The following EPHA6 variants were observed in gnomAD, a reference collection of about 807,000 sequenced individuals.
EPHA6 encodes EPH receptor A6, also known as ephrin type-A receptor 6.
In EPHA6, 50 loss-of-function variants were observed where a neutral mutation model predicts 112.0. The observed-to-expected ratio is 0.45, with a 90% confidence interval of 0.36 to 0.56. The LOEUF is 0.56. Ranked by LOEUF, EPHA6 falls within the 20% of genes least tolerant of loss-of-function variation. The pLI, the probability that EPHA6 is intolerant of heterozygous loss-of-function variation, is 0.00. For synonymous variants in EPHA6, 529 were observed against 490.7 expected (o/e 1.08, Z -1.03); for missense variants, 1,280 against 1,417.4 (o/e 0.90, Z 1.56).
intron 2 of EPHA6, among the ~76,000 whole-genome samples, chr3:96,882,995 A>G (rs1255723460): frequency 6.6e-6 from 1 of 152,140 alleles, no homozygotes; most frequent in Non-Finnish European, 1.5e-5. Context: ...TTCTTAAAGA[A>G]TCTCCACACT....
intron 11 of EPHA6, among the ~76,000 whole-genome samples, chr3:97,555,887 C>G (rs1374891101): frequency 6.6e-6 from 1 of 152,066 alleles, no homozygotes; most frequent in East Asian, 1.9e-4. Flanking sequence ...TGCCTGTTCA[C>G]TCTGATGGTA....
chr3:97,567,145 G>C (rs1321438849), intron 11 of EPHA6, among the ~76,000 whole-genome samples: 1 of 152,162 alleles, frequency 6.6e-6, no homozygotes, highest in African/African-American at 2.4e-5. Flanking sequence ...AGTGTAGAAA[G>C]AGCATTGGGA....
chr3:97,327,182 A>C (rs376259249), intron 5 of EPHA6, among the ~76,000 whole-genome samples: 2 of 152,108 alleles, frequency 1.3e-5, no homozygotes, highest in Non-Finnish European at 2.9e-5. Context: ...TACATTATGA[A>C]ATATAAAAGT....
At chr3:97,257,805 T>C (rs944470619) in intron 5 of EPHA6, among the ~76,000 whole-genome samples, 3 of 152,014 alleles carry the variant, frequency 2.0e-5, no homozygotes, top group Non-Finnish European at 2.9e-5. Flanking sequence ...ACTATGTCTG[T>C]GAAATGGAAT....
rs560118700 is a variant in EPHA6 at position 97,056,673 on chromosome 3, C to T, written c.1114+68680C>T. Among the ~76,000 whole-genome samples the T allele has an allele frequency of 2.6e-5, 4 of 152,250 alleles. No individual in the cohort carries two copies. In the South Asian group the frequency reaches 8.3e-4, roughly 32 times the overall value. On this transcript the variant is annotated intron_variant, in intron 3 of 17. Transcript: ENST00000389672. ...TTCACAGAGCCCCTTATCAGTAGTG[C>T]ATATGAATATAAAATAGTAGAAGTG...
At position 97,020,293 on chromosome 3, in the gene EPHA6, A is replaced by G. The variant is rs80095485; in HGVS notation, c.1114+32300A>G. ...AGAATAAATGATAGAGATGAAAAAT[A>G]TAGATATATGCGGATTCACTGACAA... On this transcript the variant is annotated intron_variant, in intron 3 of 17. Transcript: ENST00000389672. Among the ~76,000 whole-genome samples the G allele has an allele frequency of 3.5e-3, 531 of 152,340 alleles. 3 individuals are homozygous for G. Among genetic ancestry groups the G allele is most frequent in the African/African-American group, 0.012 (510 of 41,564 alleles).
chr3:96,824,259 T>G (rs867871949), intron 1 of EPHA6, among the ~76,000 whole-genome samples: 1 of 151,886 alleles, frequency 6.6e-6, no homozygotes, highest in Middle Eastern at 3.4e-3. Context: ...ATCTAAAGTT[T>G]TAATAGGTTT....
At chr3:97,176,334 T>C (rs2108440115) in intron 3 of EPHA6, among the ~76,000 whole-genome samples, 1 of 152,098 alleles carries the variant, frequency 6.6e-6, no homozygotes, top group South Asian at 2.1e-4. Flanking sequence ...TCAATATTTG[T>C]CAGAGATATT....
At chr3:97,106,809 G>T (rs1269932407) in intron 3 of EPHA6, among the ~76,000 whole-genome samples, 1 of 152,076 alleles carries the variant, frequency 6.6e-6, no homozygotes, top group Non-Finnish European at 1.5e-5. Context: ...GCTCCCTAGG[G>T]GTTTTGAGCA....
At chr3:97,199,395 T>G (rs2077521699) in intron 3 of EPHA6, among the ~76,000 whole-genome samples, 1 of 152,130 alleles carries the variant, frequency 6.6e-6, no homozygotes, top group Non-Finnish European at 1.5e-5. Context: ...TTAAAATAAC[T>G]TGGGGAGCAC....
At chr3:97,170,388 G>T (rs934467811) in intron 3 of EPHA6, among the ~76,000 whole-genome samples, 1 of 152,114 alleles carries the variant, frequency 6.6e-6, no homozygotes, top group African/African-American at 2.4e-5. Flanking sequence ...GAGCCATGAT[G>T]AATGTGAAAG....
intron 14 of EPHA6, among the ~76,000 whole-genome samples, chr3:97,674,637 C>T (rs1290553333): frequency 6.6e-6 from 1 of 152,148 alleles, no homozygotes; most frequent in Non-Finnish European, 1.5e-5. Flanking sequence ...AAGTACAGTA[C>T]AGTGGCTTCT....
chr3:97,338,463 C>T (rs1477875179), intron 5 of EPHA6, among the ~76,000 whole-genome samples: 1 of 152,006 alleles, frequency 6.6e-6, no homozygotes, highest in African/African-American at 2.4e-5. Context: ...ATTGTCTACC[C>T]CTAGAGCTCT....
intron 14 of EPHA6, among the ~76,000 whole-genome samples, chr3:97,658,805 A>G (rs368747116): frequency 6.6e-6 from 1 of 151,924 alleles, no homozygotes; most frequent in African/African-American, 2.4e-5. Context: ...TGATAAAACA[A>G]CACCTTTGTA....
chr3:96,961,118 G>A (rs1247020544), intron 2 of EPHA6, among the ~76,000 whole-genome samples: 1 of 152,242 alleles, frequency 6.6e-6, no homozygotes, highest in Admixed American at 6.5e-5. Context: ...AGCTTGAAGA[G>A]GGCAGGTTTC....
intron 5 of EPHA6, among the ~76,000 whole-genome samples, chr3:97,332,854 G>T (rs1005813007): frequency 1.3e-4 from 20 of 151,682 alleles, no homozygotes; most frequent in Non-Finnish European, 2.1e-4. Context: ...ACACTGTCTG[G>T]TTTACTTTAC....
intron 4 of EPHA6, among the ~76,000 whole-genome samples, chr3:97,232,354 T>G (rs1313649467): frequency 6.6e-6 from 1 of 152,216 alleles, no homozygotes; most frequent in Non-Finnish European, 1.5e-5. Context: ...CAATTCGTTT[T>G]GAAAGAGTGT....
chr3:97,653,229 G>A (rs961245737), intron 14 of EPHA6, among the ~76,000 whole-genome samples: 2 of 151,898 alleles, frequency 1.3e-5, no homozygotes, highest in Non-Finnish European at 2.9e-5. Flanking sequence ...ACAACCTACA[G>A]AATGAGAGAA....
At chr3:97,301,567 A>T (rs1056281816) in intron 5 of EPHA6, among the ~76,000 whole-genome samples, 14 of 152,144 alleles carry the variant, frequency 9.2e-5, no homozygotes, top group African/African-American at 2.4e-4. Context: ...CAAACAGCTT[A>T]TAAGTATTGG....
Sources: gnomAD v4.1 joint callset for allele counts (sites outside exome capture counted in the v4.1 genomes callset) on GRCh38, gnomAD v4.1.1 for gene constraint, MANE v1.5 for transcripts, NCBI Gene and HGNC (gene_info 2026-07-23, HGNC 2026-07-21) for gene names.